The following TRDN variants were observed in gnomAD, a reference collection of about 807,000 sequenced individuals.
TRDN encodes triadin in skeletal muscle.
Under a neutral mutation model 149.7 loss-of-function variants are expected in TRDN, and 161 were observed. The ratio of observed to expected loss-of-function variants is 1.08; its 90% confidence interval spans 0.95 to 1.23. The LOEUF is 1.23. TRDN is among the 50% of genes most tolerant of loss of function. The pLI is 0.00. For synonymous variants in TRDN, 294 were observed against 250.5 expected, an observed-to-expected ratio of 1.17 and a Z score of -1.64; for missense variants, 896 against 823.5, an observed-to-expected ratio of 1.09 and a Z score of -1.08.
Position 123,393,772 on chromosome 6 carries a change from T to C in TRDN, c.1052-95A>G, listed in dbSNP as rs1269688776. On this transcript the variant is annotated intron_variant, in intron 12 of 40. Transcript: ENST00000334268. ...AGGGGAGCACAAACACAAACGAGCATAAAAAGTGTTGCTTTTGACACGAAG... is the reference window on the plus strand; with the variant it reads ...AGGGGAGCACAAACACAAACGAGCACAAAAAGTGTTGCTTTTGACACGAAG... 7 of 1,199,024 alleles carry C rather than the reference T, an allele frequency of 5.8e-6. No homozygotes were observed. The East Asian group carries it at 1.8e-4, about 31-fold the overall frequency. The allele number at this position is 1,199,024 out of a possible 1,614,324, so 74.3% of individuals were successfully genotyped here.
intron 9 of TRDN, among the ~76,000 whole-genome samples, chr6:123,480,816 A>G (rs1777715192): frequency 6.6e-6 from 1 of 152,132 alleles, no homozygotes; most frequent in African/African-American, 2.4e-5. Flanking sequence ...CTACCTAAAC[A>G]TAGAAAATAA....
chr6:123,351,050 A>ATATC, intron 21 of TRDN: 1 of 905,696 alleles, frequency 1.1e-6, no homozygotes, highest in Non-Finnish European at 1.3e-6. Flanking sequence ...TGGGTGTTTT[A>ATATC]TATCTAGTCA....
At chr6:123,377,777 T>C (rs1238689943) in intron 17 of TRDN, 35 bp from the exon 18 acceptor site, 1 of 1,612,156 alleles carries the variant, frequency 6.2e-7, no homozygotes. Context: ...AAATCAGCAT[T>C]CTATGTCATT....
At chr6:123,527,489 T>C (rs1206453554) in intron 5 of TRDN, among the ~76,000 whole-genome samples, 1 of 151,946 alleles carries the variant, frequency 6.6e-6, no homozygotes, top group African/African-American at 2.4e-5. Flanking sequence ...CAAGATCATT[T>C]TGACCTATAA....
intron 4 of TRDN, among the ~76,000 whole-genome samples, chr6:123,531,521 T>C (rs915241406): frequency 6.6e-6 from 1 of 152,106 alleles, no homozygotes; most frequent in East Asian, 1.9e-4. Context: ...CTACTAGCTT[T>C]CATTCACCTG....
chr6:123,413,772 A>G (rs1416786456), intron 12 of TRDN, among the ~76,000 whole-genome samples: 3 of 152,124 alleles, frequency 2.0e-5, no homozygotes, highest in East Asian at 1.9e-4. Flanking sequence ...TATAACAGAC[A>G]TGTCAAAAAC....
chr6:123,377,678 A>G (rs1382715036), intron 18 of TRDN, 38 bp downstream of exon 18: 4 of 1,612,000 alleles, frequency 2.5e-6, no homozygotes, highest in South Asian at 1.1e-5. Flanking sequence ...AACACTGGAC[A>G]TGAGTATTCG....
At chr6:123,326,032 G>A (rs1237079068) in intron 23 of TRDN, among the ~76,000 whole-genome samples, 3 of 152,108 alleles carry the variant, frequency 2.0e-5, no homozygotes, top group African/African-American at 7.2e-5. Flanking sequence ...AAATAGCAGA[G>A]AGAGTGATTA....
intron 8 of TRDN, among the ~76,000 whole-genome samples, chr6:123,499,498 G>A (rs972597900): frequency 7.3e-5 from 11 of 151,020 alleles, no homozygotes; most frequent in African/African-American, 2.4e-4. Context: ...GAGGTCAGGA[G>A]TTCAAGGCCA....
intron 40 of TRDN, among the ~76,000 whole-genome samples, chr6:123,219,953 A>T (rs7759788): frequency 0.017 from 2,642 of 151,894 alleles, 69 homozygotes; most frequent in African/African-American, 0.06. Flanking sequence ...CACTGTTTTG[A>T]CACATTTATT....
rs1196564633 is a variant in TRDN at position 123,315,288 on chromosome 6, A to G, written c.1510+1169T>C. Among the ~76,000 whole-genome samples, 14 of 151,794 alleles carry G rather than the reference A, an allele frequency of 9.2e-5. No homozygotes were observed. In the Admixed American group the frequency reaches 9.2e-4, roughly 10 times the overall value. On this transcript the variant is annotated intron_variant, in intron 24 of 40. Transcript: ENST00000334268. ...TTTATTTGTAACTTTTGATGTAAAC[A>G]CTCAATATAACATTTTATCTCTATT... is the stretch of plus-strand genomic sequence containing the variant.
intron 10 of TRDN, chr6:123,456,848 T>A (rs555798329): frequency 2.2e-6 from 1 of 455,972 alleles, no homozygotes; most frequent in Non-Finnish European, 4.4e-6. Context: ...TCTCACTCAT[T>A]CTAGAGAGGG....
Position 123,497,181 on chromosome 6 carries a change from T to C in TRDN, c.853+12A>G. ...TATTAAAACAGACAAGTACAAGAAT[T>C]GCTTGGAATACCTGGTTTTAAATCC... On this transcript the variant is annotated intron_variant, in intron 9 of 40. Coordinates refer to ENST00000334268, the MANE Select transcript of TRDN (RefSeq NM_006073.4). 1.3e-6 allele frequency: 2 copies of C among 1,533,528 alleles called. No individual in the cohort carries two copies. Among genetic ancestry groups the C allele is most frequent in the Non-Finnish European group, 1.8e-6 (2 of 1,140,530 alleles). 95.0% of individuals were successfully genotyped at this position (1,533,528 alleles called of 1,614,324 possible). A position where few individuals can be genotyped will look rare whatever the true frequency, so the allele number is the denominator to read the frequency against.
chr6:123,404,928 G>A (rs1054681881), intron 12 of TRDN, among the ~76,000 whole-genome samples: 1 of 152,158 alleles, frequency 6.6e-6, no homozygotes, highest in Non-Finnish European at 1.5e-5. Context: ...ACAGCTCTGA[G>A]GAACAGTAGT....
chr6:123,225,656 CA>C (rs1775330179), intron 38 of TRDN, among the ~76,000 whole-genome samples: 1 of 151,398 alleles, frequency 6.6e-6, no homozygotes, highest in African/African-American at 2.4e-5. Context: ...CATTGTATAT[CA>C]AATATATATA....
At chr6:123,430,200 G>A (rs1412721827) in intron 12 of TRDN, among the ~76,000 whole-genome samples, 1 of 151,876 alleles carries the variant, frequency 6.6e-6, no homozygotes, top group African/African-American at 2.4e-5. Context: ...ATCCCAGGAG[G>A]TTGAGGCAGC....
At chr6:123,386,227 A>T (rs1479798726) in intron 14 of TRDN, among the ~76,000 whole-genome samples, 2 of 152,204 alleles carry the variant, frequency 1.3e-5, no homozygotes, top group East Asian at 3.9e-4. Context: ...TAGTAGAGAG[A>T]TACAAATGGA....
chr6:123,315,070 A>G (rs1321251826), intron 24 of TRDN, among the ~76,000 whole-genome samples: 3 of 152,038 alleles, frequency 2.0e-5, no homozygotes, highest in Non-Finnish European at 4.4e-5. Flanking sequence ...GGAAATTGTT[A>G]GTGCATGTTA....
chr6:123,278,291 A>G (rs756284939), intron 26 of TRDN, 27 bp downstream of exon 26: 19 of 1,257,480 alleles, frequency 1.5e-5, no homozygotes, highest in Middle Eastern at 1.9e-4. Flanking sequence ...TGGAAATCAT[A>G]TATGTGTATA....
Sources: allele counts gnomAD v4.1 joint callset (sites outside exome capture counted in the v4.1 genomes callset), GRCh38; gene constraint gnomAD v4.1.1; transcripts MANE v1.5; gene names NCBI Gene and HGNC (gene_info 2026-07-23, HGNC 2026-07-21).